The following DSCAM variants were observed in gnomAD, a reference collection of about 807,000 sequenced individuals.
DSCAM encodes the protein DS cell adhesion molecule.
A neutral mutation model predicts 217.7 loss-of-function variants in DSCAM; 47 were observed. The ratio of observed to expected loss-of-function variants is 0.22; its 90% CI spans 0.17 to 0.28. DSCAM has a LOEUF of 0.28. DSCAM is among the 10% of genes least tolerant of loss of function. The pLI, the probability that DSCAM is intolerant of heterozygous loss-of-function variation, is 1.00. For synonymous variants in DSCAM, 1,056 were observed against 1,015.3 expected, an observed-to-expected ratio of 1.04 and a Z score of -0.76; for missense variants, 2,080 against 2,618.3, an observed-to-expected ratio of 0.79 and a Z score of 4.49.
chr21:40,487,204 C>T (rs1055785347), intron 3 of DSCAM, among the ~76,000 whole-genome samples: 3 of 151,826 alleles, frequency 2.0e-5, no homozygotes, highest in African/African-American at 7.3e-5. Context: ...GGTGAGAAAG[C>T]ACTTTCTCCC....
chr21:40,187,103 G>A (rs766616567), intron 14 of DSCAM, 28 bp downstream of exon 14: 2 of 1,610,320 alleles, frequency 1.2e-6, no homozygotes, highest in Non-Finnish European at 1.7e-6. Context: ...TGAGGTGGAA[G>A]GGAAGCTGGA....
intron 11 of DSCAM, among the ~76,000 whole-genome samples, chr21:40,260,896 T>C (rs185257897): frequency 3.3e-5 from 5 of 152,328 alleles, no homozygotes; most frequent in African/African-American, 9.6e-5. Context: ...GCCCCCGACA[T>C]CCAGGAGCTG....
chr21:40,793,545 C>T (rs1021164997), intron 1 of DSCAM, among the ~76,000 whole-genome samples: 4 of 152,084 alleles, frequency 2.6e-5, no homozygotes, highest in African/African-American at 7.2e-5. Context: ...GGCTAGAGTG[C>T]AGTGGTGTGA....
chr21:40,361,615 C>G (rs922276446), intron 4 of DSCAM, among the ~76,000 whole-genome samples: 6 of 150,416 alleles, frequency 4.0e-5, no homozygotes, highest in African/African-American at 1.5e-4. Flanking sequence ...GAGACTCCAT[C>G]TCAAAAACAA....
intron 3 of DSCAM, among the ~76,000 whole-genome samples, chr21:40,427,463 G>T (rs113051480): frequency 6.6e-6 from 1 of 152,218 alleles, no homozygotes; most frequent in Non-Finnish European, 1.5e-5. Flanking sequence ...ATCTGGGTCA[G>T]TATCAGGATC....
chr21:40,459,931 G>A (rs952305463), intron 3 of DSCAM, among the ~76,000 whole-genome samples: 8 of 152,030 alleles, frequency 5.3e-5, no homozygotes, highest in African/African-American at 1.2e-4. Context: ...CATTCCTATC[G>A]AATTCATCAA....
intron 1 of DSCAM, among the ~76,000 whole-genome samples, chr21:40,807,509 C>T (rs757459806): frequency 3.9e-4 from 60 of 152,190 alleles, no homozygotes; most frequent in Admixed American, 2.0e-3. Flanking sequence ...CTGTCCACTC[C>T]TCTTGGAAAG....
At chr21:40,172,439 G>C (rs1326868733) in intron 15 of DSCAM, among the ~76,000 whole-genome samples, 1 of 152,206 alleles carries the variant, frequency 6.6e-6, no homozygotes, top group Admixed American at 6.5e-5. Flanking sequence ...GGGATGACAG[G>C]CACCTCCTGA....
chr21:40,344,840 C>T (rs979760337), intron 6 of DSCAM, among the ~76,000 whole-genome samples: 9 of 152,154 alleles, frequency 5.9e-5, no homozygotes, highest in Admixed American at 5.9e-4. Flanking sequence ...GTCATTATCT[C>T]TGAATACTTT....
chr21:40,447,591 G>A (rs1189314391), intron 3 of DSCAM, among the ~76,000 whole-genome samples: 1 of 152,166 alleles, frequency 6.6e-6, no homozygotes, highest in African/African-American at 2.4e-5. Context: ...ACAGCGAAAT[G>A]CTATGGCAAA....
intron 11 of DSCAM, among the ~76,000 whole-genome samples, chr21:40,225,877 G>T (rs2091328581): frequency 6.6e-6 from 1 of 152,078 alleles, no homozygotes; most frequent in African/African-American, 2.4e-5. Flanking sequence ...CAAGTGTGTT[G>T]GTGATGCTCC....
At chr21:40,744,423 T>G (rs2091154659) in intron 1 of DSCAM, among the ~76,000 whole-genome samples, 1 of 152,130 alleles carries the variant, frequency 6.6e-6, no homozygotes, top group Non-Finnish European at 1.5e-5. Flanking sequence ...CAGGTGCTCA[T>G]GTGGAGTCTT....
intron 2 of DSCAM, among the ~76,000 whole-genome samples, chr21:40,700,335 G>A (rs142651934): frequency 1.6e-4 from 25 of 152,248 alleles, no homozygotes; most frequent in Admixed American, 1.4e-3. Context: ...CAGGATTTTC[G>A]TAGTTGCTTT....
chr21:40,692,862 C>G lies in DSCAM; in HGVS notation c.456G>C (p.Glu152Asp). ...VFKCIIPSSV[E>D]AYITVVSWEK... ...CCCATGAGACGACAGTGATGTACGC[C>G]TCCACCGAGGAGGGGATAATGCACT... The change falls in exon 3 of 33, where the codon GAG becomes GAC. Residue 152 changes from glutamate to aspartate, a missense_variant. By Grantham distance (45) the Glu-to-Asp change is conservative. This residue lies in a region of DSCAM where 568 missense variants were observed against 678.1 expected (regional missense o/e 0.84). Coordinates refer to ENST00000400454, the MANE Select transcript of DSCAM (RefSeq NM_001389.5). The G allele has an allele frequency of 6.2e-7, 1 of 1,614,020 alleles. No homozygotes were observed. The highest frequency in any genetic ancestry group is 1.1e-5 in the South Asian group (1 of 91,072).
rs182214165 is a variant in DSCAM, at chr21:40,665,080, A to G, written c.508+27730T>C. Among the ~76,000 whole-genome samples, 123 of 152,322 alleles carry G rather than the reference A, an allele frequency of 8.1e-4. 1 individual carries two copies. Among genetic ancestry groups the G allele is most frequent in the Middle Eastern group, 6.8e-3 (2 of 292 alleles). On this transcript the variant is annotated intron_variant, in intron 3 of 32. Transcript: ENST00000400454. ...GAGACCCTCACCAGAAGCTGAGCAC[A>G]TGTTGGTGCCAGGCTTTTACAGCAT...
chr21:40,220,828 C>T (rs1365346641), intron 11 of DSCAM, among the ~76,000 whole-genome samples: 1 of 152,154 alleles, frequency 6.6e-6, no homozygotes, highest in African/African-American at 2.4e-5. Context: ...CACCCTAGCA[C>T]CCAACCAAAA....
At chr21:40,284,980 C>G (rs1241821643) in intron 10 of DSCAM, among the ~76,000 whole-genome samples, 1 of 152,192 alleles carries the variant, frequency 6.6e-6, no homozygotes, top group Non-Finnish European at 1.5e-5. Flanking sequence ...TTTGTTACAA[C>G]TTGCTAGTCC....
chr21:40,168,288 A>G (rs1456226179), intron 15 of DSCAM, among the ~76,000 whole-genome samples: 1 of 152,250 alleles, frequency 6.6e-6, no homozygotes, highest in Non-Finnish European at 1.5e-5. Context: ...AATTCCAATT[A>G]CATCCCAGTT....
At chr21:40,366,815 G>T (rs538060700) in intron 4 of DSCAM, among the ~76,000 whole-genome samples, 1 of 152,142 alleles carries the variant, frequency 6.6e-6, no homozygotes, top group African/African-American at 2.4e-5. Context: ...AGAGCTATAT[G>T]GGATTGAACT....
Sources: allele counts gnomAD v4.1 joint callset (sites outside exome capture counted in the v4.1 genomes callset), GRCh38; gene constraint gnomAD v4.1.1; regional missense constraint gnomAD v4.1.1; transcripts MANE v1.5; gene names NCBI Gene and HGNC (gene_info 2026-07-23, HGNC 2026-07-21).